The following ACTR8 variants were observed in gnomAD, a reference collection of about 807,000 sequenced individuals.
ACTR8 encodes actin-related protein 8.
In ACTR8, 70 loss-of-function variants were observed where a neutral mutation model predicts 84.3. The observed-to-expected ratio is 0.83, with a 90% CI of 0.68 to 1.01. ACTR8 has a LOEUF of 1.01. ACTR8 is among the 50% of genes least tolerant of loss of function. The probability of loss-of-function intolerance (pLI) is 0.00; values close to 1 mark genes in which losing one functional copy is unlikely to be tolerated. For missense variants in ACTR8, 672 were observed against 775.4 expected (o/e 0.87, Z 1.58); for synonymous variants, 268 against 275.2 (o/e 0.97, Z 0.26).
chr3:53,865,277 A>G, downstream of ACTR8: 1 of 1,608,900 alleles, frequency 6.2e-7, no homozygotes, highest in Non-Finnish European at 8.5e-7. Context: ...AAAAGATCAC[A>G]AGCCTGCCAC....
downstream of ACTR8, chr3:53,865,638 C>CTGTT (rs1383139531): frequency 4.8e-6 from 1 of 209,644 alleles, no homozygotes; most frequent in East Asian, 1.1e-4. Flanking sequence ...GTACCCAGAA[C>CTGTT]TGTTTAGCTA....
downstream of ACTR8, among the ~76,000 whole-genome samples, chr3:53,862,387 A>G (rs1383943205): frequency 6.6e-6 from 1 of 152,220 alleles, no homozygotes; most frequent in African/African-American, 2.4e-5. Context: ...ACATCACTGA[A>G]GATGCCATCA....
At position 53,881,982 on chromosome 3, in the gene ACTR8, T is replaced by C; in HGVS notation, c.120A>G (p.Gln40=). ...TCCAACCCAGCCAGAGCCGCACCTC[T>C]TGCAGCGACTCCGGCACCAGCGCGG... ...IVPALVPESL[Q]EQIQSNFIIV... The change falls in exon 1 of 13, where the codon CAA becomes CAG. Residue 40 remains glutamine, a synonymous_variant. Coordinates refer to ENST00000335754, the MANE Select transcript of ACTR8 (RefSeq NM_022899.5). 1 of 1,554,516 alleles carries C rather than the reference T, an allele frequency of 6.4e-7. No individual in the cohort carries two copies. The highest frequency in any genetic ancestry group is 1.9e-5 in the Admixed American group (1 of 51,694).
Position 53,874,268 on chromosome 3 carries a change from A to G in ACTR8, c.1008T>C (p.Asn336=), listed in dbSNP as rs766191275. The change falls in exon 8 of 13, where the codon AAT becomes AAC. Residue 336 remains asparagine, a synonymous_variant. Coordinates refer to ENST00000335754, the MANE Select transcript of ACTR8 (RefSeq NM_022899.5). ...GTTGCAGAAGAAGACAATCCATTTT[A>G]TTTGTTAACTGGCATTCTCTGTAAG... ...GFPYRECQLT[N]KMDCLLLQHL... 8.7e-6 allele frequency: 14 copies of G among 1,614,018 alleles called. No homozygotes were observed. Among genetic ancestry groups the G allele is most frequent in the Non-Finnish European group, 1.1e-5 (13 of 1,180,006 alleles).
chr3:53,879,105 G>A lies in ACTR8; in HGVS notation c.295-638C>T, dbSNP rs973912586. Among the ~76,000 whole-genome samples the A allele has an allele frequency of 4.6e-5, 7 of 152,218 alleles. No individual in the cohort carries two copies. The East Asian group carries it at 5.8e-4, about 13-fold the overall frequency. ...TTAAGCCATAAACTTACTGGTTCTC[G>A]TTATTATAGTATAAAGAAAATGCCC... On this transcript the variant is annotated intron_variant, in intron 2 of 12. Coordinates refer to ENST00000335754, the MANE Select transcript of ACTR8 (RefSeq NM_022899.5).
intron 10 of ACTR8, 120 bp from the exon 11 acceptor site, chr3:53,871,616 C>G: frequency 8.7e-7 from 1 of 1,148,206 alleles, no homozygotes; most frequent in Non-Finnish European, 1.2e-6. Context: ...AGCAATACAA[C>G]AACTGCCCAG....
intron 12 of ACTR8, 108 bp from the exon 13 acceptor site, chr3:53,868,970 G>T: frequency 7.1e-7 from 1 of 1,416,024 alleles, no homozygotes; most frequent in Non-Finnish European, 9.5e-7. Context: ...TACCTAGTAA[G>T]CCAGGCTTTC....
downstream of ACTR8, chr3:53,865,672 T>A (rs1226332491): frequency 6.0e-6 from 1 of 166,838 alleles, no homozygotes; most frequent in African/African-American, 2.4e-5. Flanking sequence ...AATTAATGAA[T>A]ACTAACTCTA....
At chr3:53,863,152 AAT>A (rs1699628041), downstream of ACTR8, among the ~76,000 whole-genome samples, 1 of 152,182 alleles carries the variant, frequency 6.6e-6, no homozygotes, top group African/African-American at 2.4e-5. Flanking sequence ...TAACATGCAA[AAT>A]ATGTGTTAAT....
downstream of ACTR8, among the ~76,000 whole-genome samples, chr3:53,864,404 G>A (rs1478543021): frequency 2.6e-5 from 4 of 152,006 alleles, no homozygotes; most frequent in African/African-American, 4.8e-5. Context: ...GCGTGGTGGC[G>A]GGCGCCTGTA....
downstream of ACTR8, chr3:53,865,291 G>A (rs757801566): frequency 6.2e-7 from 1 of 1,605,986 alleles, no homozygotes; most frequent in Non-Finnish European, 8.5e-7. Flanking sequence ...CTGCCACGAT[G>A]GCTGCTGCTC....
At chr3:53,876,743 A>C (rs1165537563) in intron 5 of ACTR8, 30 bp from the exon 6 acceptor site, 2 of 1,253,552 alleles carry the variant, frequency 1.6e-6, no homozygotes, top group African/African-American at 3.1e-5. Context: ...TAAAAGGGTT[A>C]GCACTCAAGT....
At chr3:53,865,456 GCTAA>G, downstream of ACTR8, 1 of 579,292 alleles carries the variant, frequency 1.7e-6, no homozygotes, top group Non-Finnish European at 2.9e-6. Context: ...TTCAAATATT[GCTAA>G]CTAATGTAGC....
At chr3:53,861,406 G>A in the ACTR8 span, 18 of 152,058 alleles carry the variant, frequency 1.2e-4, no homozygotes, top group Admixed American at 1.1e-3. Context: ...TCCAGCGTAA[G>A]GACCATAGTC....
In ACTR8 at chr3:53,870,637, T is replaced by C. The variant is rs1699869733; in HGVS notation, c.1568-492A>G. ...TTGCACTCTAGCCTGGGCAATGGAG[T>C]GAGACTCTGAAAAATAAATAAATAA... is the stretch of plus-strand genomic sequence containing the variant. On this transcript the variant is annotated intron_variant, in intron 11 of 12. Transcript: ENST00000335754. This position sits in a 1 kb window ranked among gnomAD's most constrained non-coding sequence, Gnocchi z 4.1. Among the ~76,000 whole-genome samples, 1 of 147,800 alleles carries C rather than the reference T, an allele frequency of 6.8e-6. No individual in the cohort carries two copies. The highest frequency in any genetic ancestry group is 6.8e-5 in the Admixed American group (1 of 14,692).
chr3:53,864,528 A>G (rs2884631), downstream of ACTR8, among the ~76,000 whole-genome samples: 58,176 of 151,560 alleles, frequency 0.38, 11,654 homozygotes, highest in East Asian at 0.63. Flanking sequence ...GAGTGAGACT[A>G]TGTCTCCAAA....
chr3:53,862,144 T>A (rs1699584779), downstream of ACTR8, among the ~76,000 whole-genome samples: 1 of 152,188 alleles, frequency 6.6e-6, no homozygotes, highest in South Asian at 2.1e-4. Context: ...CGACTGCCTT[T>A]TAAAGTTCTT....
chr3:53,881,955 G>A lies in ACTR8; in HGVS notation c.123+24C>T, dbSNP rs374234590. The A allele has an allele frequency of 3.3e-5, 52 of 1,555,210 alleles. No individual in the cohort carries two copies. The African/African-American group carries it at 6.3e-4, about 19-fold the overall frequency. On this transcript the variant is annotated intron_variant, in intron 1 of 12. Coordinates refer to ENST00000335754, the MANE Select transcript of ACTR8 (RefSeq NM_022899.5). Reference sequence around the variant, plus strand: ...CGGAGGACCCAAGCAAGGGCAAAGAGTTCCAACCCAGCCAGAGCCGCACCT... The same window carrying A: ...CGGAGGACCCAAGCAAGGGCAAAGAATTCCAACCCAGCCAGAGCCGCACCT...
intron 12 of ACTR8, 106 bp downstream of exon 12, chr3:53,869,876 C>T: frequency 7.2e-7 from 1 of 1,382,352 alleles, no homozygotes; most frequent in Non-Finnish European, 9.9e-7. Flanking sequence ...CCTAAGCCCT[C>T]AAGAACTCCT....
Sources: allele counts gnomAD v4.1 joint callset (sites outside exome capture counted in the v4.1 genomes callset), GRCh38; gene constraint gnomAD v4.1.1; non-coding constraint Gnocchi (gnomAD v3.1); transcripts MANE v1.5; gene names NCBI Gene and HGNC (gene_info 2026-07-23, HGNC 2026-07-21).